The following MAF variants were observed in gnomAD, a reference collection of about 807,000 sequenced individuals.
MAF encodes the protein transcription factor Maf.
A neutral mutation model predicts 22.0 loss-of-function variants in MAF; 10 were observed. That is an observed-to-expected ratio of 0.45 (90% CI 0.28 to 0.77). MAF has a LOEUF of 0.77. MAF is among the 30% of genes least tolerant of loss of function. MAF has a pLI of 0.12. For synonymous variants in MAF, 337 were observed against 255.8 expected, an observed-to-expected ratio of 1.32 and a Z score of -3.03; for missense variants, 544 against 548.4, an observed-to-expected ratio of 0.99 and a Z score of 0.08.
At chr16:79,435,736 G>C in the MAF span, among the ~76,000 whole-genome samples, 1 of 152,144 alleles carries the variant, frequency 6.6e-6, no homozygotes, top group Non-Finnish European at 1.5e-5. Flanking sequence ...GTCTCCCCCA[G>C]TTCACGCCGA....
At chr16:79,327,499 G>A in the MAF span, among the ~76,000 whole-genome samples, 1 of 152,180 alleles carries the variant, frequency 6.6e-6, no homozygotes, top group Non-Finnish European at 1.5e-5. Context: ...TATAAGACAA[G>A]AGATAAAGCT....
At chr16:79,456,354 T>C in the MAF span, among the ~76,000 whole-genome samples, 2 of 152,120 alleles carry the variant, frequency 1.3e-5, no homozygotes, top group South Asian at 2.1e-4. Context: ...CAGGGACAAA[T>C]TGTCAGACCA....
the MAF span, among the ~76,000 whole-genome samples, chr16:79,387,768 G>C: frequency 1 from 152,033 of 152,340 alleles, 75,865 homozygotes; most frequent in Non-Finnish European, 1. Flanking sequence ...ACAAGTAACT[G>C]TAGCAACCTA....
At chr16:79,439,058 C>T in the MAF span, among the ~76,000 whole-genome samples, 1 of 152,120 alleles carries the variant, frequency 6.6e-6, no homozygotes, top group Non-Finnish European at 1.5e-5. Flanking sequence ...TGTCCCCTAG[C>T]TCCAAGAGGC....
At chr16:79,386,114 G>A in the MAF span, among the ~76,000 whole-genome samples, 2 of 152,138 alleles carry the variant, frequency 1.3e-5, no homozygotes, top group Non-Finnish European at 2.9e-5. Flanking sequence ...TGGCACCAGG[G>A]ACTGGTTTCA....
In MAF at chr16:79,600,156, C is replaced by T; in HGVS notation, c.-254G>A. On this transcript the variant is annotated 5_prime_UTR_variant, in exon 1 of 2. Transcript: ENST00000326043. ...TGTGCTCCCTCGCTCGCCCCGGCCC[C>T]TCCTTGCTCGCTCGCCTCCTTGCGC... 2.3e-6 allele frequency: 1 copy of T among 444,188 alleles called. No individual in the cohort carries two copies. The highest frequency in any genetic ancestry group is 3.9e-5 in the South Asian group (1 of 25,856). The allele number at this position is 444,188 out of a possible 1,614,324, so 27.5% of individuals were successfully genotyped here.
chr16:79,478,629 T>G, the MAF span, among the ~76,000 whole-genome samples: 3 of 152,160 alleles, frequency 2.0e-5, no homozygotes, highest in Non-Finnish European at 4.4e-5. Flanking sequence ...ACTATCCCCG[T>G]GTGTCATTCC....
At chr16:79,483,550 G>A in the MAF span, among the ~76,000 whole-genome samples, 1 of 151,950 alleles carries the variant, frequency 6.6e-6, no homozygotes, top group African/African-American at 2.4e-5. Flanking sequence ...GAAGAGAATA[G>A]AATGGGCAAG....
chr16:79,355,851 T>C, the MAF span, among the ~76,000 whole-genome samples: 5 of 152,138 alleles, frequency 3.3e-5, no homozygotes. Context: ...AGCATCCCTC[T>C]GTCAATATTC....
chr16:79,480,803 C>T, the MAF span, among the ~76,000 whole-genome samples: 3 of 152,134 alleles, frequency 2.0e-5, no homozygotes, highest in Admixed American at 1.3e-4. Context: ...GTTCATCAAA[C>T]CCCATTCCCT....
chr16:79,491,078 A>G, the MAF span, among the ~76,000 whole-genome samples: 1 of 152,210 alleles, frequency 6.6e-6, no homozygotes, highest in Non-Finnish European at 1.5e-5. Context: ...AAAGGATAGA[A>G]CGGAAAGGGA....
the MAF span, among the ~76,000 whole-genome samples, chr16:79,263,195 G>T: frequency 6.6e-6 from 1 of 152,158 alleles, no homozygotes; most frequent in East Asian, 1.9e-4. Context: ...TAGGGAGGCC[G>T]GGAAATGGAT....
the MAF span, chr16:79,206,460 ATG>A: frequency 6.6e-6 from 1 of 152,222 alleles, no homozygotes; most frequent in East Asian, 1.9e-4. Flanking sequence ...CTCTAAATAA[ATG>A]GAAATACTAA....
At chr16:79,238,802 C>G in the MAF span, among the ~76,000 whole-genome samples, 1 of 151,874 alleles carries the variant, frequency 6.6e-6, no homozygotes, top group African/African-American at 2.4e-5. Flanking sequence ...AATCTGGTCA[C>G]CTAGGCAGGC....
At chr16:79,204,113 T>C in the MAF span, 104,532 of 151,396 alleles carry the variant, frequency 0.69, 37,184 homozygotes, top group Non-Finnish European at 0.75. Flanking sequence ...TGCTTGGCTA[T>C]TTCAAACCAA....
chr16:79,539,274 C>A, the MAF span, among the ~76,000 whole-genome samples: 1 of 152,174 alleles, frequency 6.6e-6, no homozygotes, highest in African/African-American at 2.4e-5. Flanking sequence ...GAGGCCGAGC[C>A]GGGTGGATAA....
downstream of MAF, among the ~76,000 whole-genome samples, chr16:79,581,227 G>A (rs1394988104): frequency 6.6e-6 from 1 of 152,178 alleles, no homozygotes; most frequent in Non-Finnish European, 1.5e-5. Context: ...TATTCAGAAT[G>A]TTCAGCCCAG....
At chr16:79,597,939 A>G in intron 1 of MAF, 2 of 1,041,706 alleles carry the variant, frequency 1.9e-6, no homozygotes, top group Non-Finnish European at 2.3e-6. Context: ...CTAAACTCTC[A>G]GATTTGGCAT....
At chr16:79,212,906 T>TAAAGA in the MAF span, 1 of 151,600 alleles carries the variant, frequency 6.6e-6, no homozygotes, top group African/African-American at 2.4e-5. Context: ...TATTTTCTGT[T>TAAAGA]AAAGAAAGAA....
Sources: allele counts gnomAD v4.1 joint callset (sites outside exome capture counted in the v4.1 genomes callset), GRCh38; gene constraint gnomAD v4.1.1; transcripts MANE v1.5; gene names NCBI Gene and HGNC (gene_info 2026-07-23, HGNC 2026-07-21).